Variants in ZBTB20 observed in about 807,000 individuals in gnomAD.
The protein encoded by ZBTB20 is zinc finger and BTB domain containing 20, also known as zinc finger and BTB domain-containing protein 20.
Under a neutral mutation model 56.9 loss-of-function variants are expected in ZBTB20, and 9 were observed. The ratio of observed to expected loss-of-function variants is 0.16; its 90% confidence interval spans 0.10 to 0.28. The LOEUF is 0.28. ZBTB20 is among the 10% of genes least tolerant of loss of function. The pLI, the probability that ZBTB20 is intolerant of heterozygous loss-of-function variation, is 1.00. For synonymous variants in ZBTB20, 417 were observed against 420.7 expected (o/e 0.99, Z 0.11); for missense variants, 655 against 1,003.0 (o/e 0.65, Z 4.69).
In ZBTB20 at chr3:114,657,051, A is replaced by C. The variant is rs1004278884; in HGVS notation, c.-295+36477T>G. ...AATCTATTTCCATGGACTTTAAAAA[A>C]AAATTACATGTCACATTTTTCTGTA... On this transcript the variant is annotated intron_variant, in intron 6 of 11. Transcript: ENST00000675478. Among the ~76,000 whole-genome samples, 12 of 152,364 alleles carry C rather than the reference A, an allele frequency of 7.9e-5. No individual in the cohort carries two copies. In the East Asian group the frequency reaches 2.1e-3, roughly 27 times the overall value.
At chr3:114,995,751 G>C (rs1336121586) in intron 2 of ZBTB20, among the ~76,000 whole-genome samples, 1 of 151,664 alleles carries the variant, frequency 6.6e-6, no homozygotes, top group African/African-American at 2.4e-5. Context: ...CTGGTCTATT[G>C]CAAGAAATAT....
At chr3:114,861,717 ACACC>A (rs10532164) in intron 4 of ZBTB20, 113,883 of 151,226 alleles carry the variant, frequency 0.75, 47,059 homozygotes, top group East Asian at 0.99. Context: ...ACACACACAC[ACACC>A]CCCCAAAAAC....
Position 115,034,033 on chromosome 3 carries a change from A to G in ZBTB20, c.-507+37186T>C, listed in dbSNP as rs72943826. Among the ~76,000 whole-genome samples, 892 of 151,930 alleles carry G rather than the reference A, an allele frequency of 5.9e-3. 11 individuals carry two copies. Among genetic ancestry groups the G allele is most frequent in the African/African-American group, 0.021 (865 of 41,546 alleles). On this transcript the variant is annotated intron_variant, in intron 2 of 11. Transcript: ENST00000675478. The stretch of plus-strand genomic sequence containing the variant: ...TTGATTAATGCAGAAAAACTACTTG[A>G]CAAAATCTGACATCCTTTTATAATA...
At chr3:114,436,714 C>T (rs768289840) in intron 7 of ZBTB20, among the ~76,000 whole-genome samples, 12 of 152,236 alleles carry the variant, frequency 7.9e-5, no homozygotes, top group Non-Finnish European at 1.8e-4. Flanking sequence ...CTCTTTCCTC[C>T]AGGAACAAAG....
At chr3:115,092,237 G>T (rs1175632719) in intron 1 of ZBTB20, among the ~76,000 whole-genome samples, 3 of 151,948 alleles carry the variant, frequency 2.0e-5, no homozygotes, top group Non-Finnish European at 4.4e-5. Context: ...CCAATTTTTT[G>T]CAAATGTCCT....
Position 114,834,813 on chromosome 3 carries a change from G to A in ZBTB20, c.-416-33639C>T, listed in dbSNP as rs745400826. 4.6e-5 allele frequency among the ~76,000 whole-genome samples: 7 copies of A among 152,104 alleles called. No individual in the cohort carries two copies. In the Middle Eastern group the frequency reaches 0.01, roughly 222 times the overall value. ...GTCTGATTGAGTTAGATATGGAGTC[G>A]TTATCACATTGAAAAGAAAGCCTGG... is the stretch of plus-strand genomic sequence containing the variant. On this transcript the variant is annotated intron_variant, in intron 4 of 11. Transcript: ENST00000675478.
intron 4 of ZBTB20, among the ~76,000 whole-genome samples, chr3:114,847,419 G>C (rs75300965): frequency 2.0e-5 from 3 of 152,026 alleles, no homozygotes; most frequent in African/African-American, 7.3e-5. Flanking sequence ...ATGGTAACAC[G>C]GCCTATTTAT....
At chr3:114,719,048 A>G (rs1182346898) in intron 5 of ZBTB20, among the ~76,000 whole-genome samples, 1 of 151,580 alleles carries the variant, frequency 6.6e-6, no homozygotes, top group African/African-American at 2.4e-5. Flanking sequence ...AACTCGAAAA[A>G]TTTAACTCAA....
At chr3:114,790,773 A>G (rs2070900775) in intron 5 of ZBTB20, among the ~76,000 whole-genome samples, 1 of 151,624 alleles carries the variant, frequency 6.6e-6, no homozygotes, top group Non-Finnish European at 1.5e-5. Context: ...ACATAACAGT[A>G]AGTTTTTTTT....
chr3:114,745,884 G>C (rs941446155), intron 5 of ZBTB20, among the ~76,000 whole-genome samples: 3 of 152,104 alleles, frequency 2.0e-5, no homozygotes, highest in Non-Finnish European at 4.4e-5. Flanking sequence ...GGAGACTCCA[G>C]GACAAGGAGG....
chr3:114,778,700 C>T (rs1050218937), intron 5 of ZBTB20, among the ~76,000 whole-genome samples: 1 of 152,092 alleles, frequency 6.6e-6, no homozygotes, highest in Non-Finnish European at 1.5e-5. Context: ...ATGCTGGCTG[C>T]GTTCTCTAGT....
chr3:115,067,636 T>G (rs1191947482), intron 2 of ZBTB20, among the ~76,000 whole-genome samples: 1 of 152,096 alleles, frequency 6.6e-6, no homozygotes, highest in East Asian at 1.9e-4. Flanking sequence ...AATAAAAACT[T>G]TCTTACCTAG....
At chr3:114,465,469 G>T (rs1350126904) in intron 7 of ZBTB20, among the ~76,000 whole-genome samples, 4 of 152,192 alleles carry the variant, frequency 2.6e-5, no homozygotes, top group Non-Finnish European at 4.4e-5. Flanking sequence ...CACTTTGGGA[G>T]GCCGAGGCGG....
chr3:114,584,515 C>T (rs1317520479), intron 6 of ZBTB20, among the ~76,000 whole-genome samples: 2 of 151,740 alleles, frequency 1.3e-5, no homozygotes, highest in Middle Eastern at 3.4e-3. Context: ...GGACAATATC[C>T]CTAACTCTGT....
chr3:114,751,134 AT>A (rs2067528378), intron 5 of ZBTB20, among the ~76,000 whole-genome samples: 1 of 152,138 alleles, frequency 6.6e-6, no homozygotes, highest in African/African-American at 2.4e-5. Context: ...TTATATATCA[AT>A]ACATACAAAT....
chr3:114,920,381 A>C lies in ZBTB20; in HGVS notation c.-455-20039T>G, dbSNP rs567453216. The stretch of plus-strand genomic sequence containing the variant: ...AAATAGATCAGATGTTGGGCCACAG[A>C]ACAAATCTTAACAAATTTAGAAAAA... On this transcript the variant is annotated intron_variant, in intron 3 of 11. Coordinates refer to ENST00000675478, the MANE Select transcript of ZBTB20 (RefSeq NM_001348800.3). 4.6e-5 allele frequency among the ~76,000 whole-genome samples: 7 copies of C among 152,324 alleles called. No individual in the cohort carries two copies. The South Asian group carries it at 1.4e-3, about 32-fold the overall frequency.
intron 6 of ZBTB20, among the ~76,000 whole-genome samples, chr3:114,648,342 A>G (rs2059956947): frequency 6.6e-6 from 1 of 151,996 alleles, no homozygotes; most frequent in African/African-American, 2.4e-5. Flanking sequence ...TTTTATATAC[A>G]TTCTTAAAAT....
Position 114,919,595 on chromosome 3 carries a change from C to T in ZBTB20, c.-455-19253G>A, listed in dbSNP as rs541311868. 2.3e-3 allele frequency among the ~76,000 whole-genome samples: 351 copies of T among 151,988 alleles called. 1 individual carries two copies. Among genetic ancestry groups the T allele is most frequent in the African/African-American group, 7.4e-3 (307 of 41,464 alleles). On this transcript the variant is annotated intron_variant, in intron 3 of 11. Transcript: ENST00000675478. ...TGGCAGGTACCTGCAATCCCAGCTACTCGGGAGGCTGAGGCAGGAGAATCA... is the reference window on the plus strand; with the variant it reads ...TGGCAGGTACCTGCAATCCCAGCTATTCGGGAGGCTGAGGCAGGAGAATCA...
rs184337016 is a variant in ZBTB20, at chr3:114,708,380, G to A, written c.-342-14805C>T. ...AATAAAACTGGCAAAATGCTCTGGA[G>A]GGCATCTTAGCAATATGCATCAAAA... On this transcript the variant is annotated intron_variant, in intron 5 of 11. Coordinates refer to ENST00000675478, the MANE Select transcript of ZBTB20 (RefSeq NM_001348800.3). 1.6e-4 allele frequency among the ~76,000 whole-genome samples: 25 copies of A among 151,822 alleles called. No homozygotes were observed. In the East Asian group the frequency reaches 4.3e-3, roughly 26 times the overall value.
Sources: allele counts gnomAD v4.1 joint callset (sites outside exome capture counted in the v4.1 genomes callset), GRCh38; gene constraint gnomAD v4.1.1; transcripts MANE v1.5; gene names NCBI Gene and HGNC (gene_info 2026-07-23, HGNC 2026-07-21).